LPP: variants seen among roughly 807,000 people sequenced by gnomAD.
LPP encodes lipoma-preferred partner.
Under a neutral mutation model 60.4 loss-of-function variants are expected in LPP, and 38 were observed. That is an observed-to-expected ratio of 0.63 (90% confidence interval 0.49 to 0.83). The LOEUF (loss-of-function observed/expected upper bound fraction) is 0.83, where lower values mean the gene tolerates loss of function less well. Ranked by LOEUF, LPP falls within the 40% of genes least tolerant of loss-of-function variation. The probability of loss-of-function intolerance (pLI) is 0.00; values close to 1 mark genes in which losing one functional copy is unlikely to be tolerated. For synonymous variants in LPP, 328 were observed against 290.8 expected, an observed-to-expected ratio of 1.13 and a Z score of -1.30; for missense variants, 902 against 783.6, an observed-to-expected ratio of 1.15 and a Z score of -1.80.
chr3:188,329,349 T>A (rs1759351578), intron 2 of LPP, among the ~76,000 whole-genome samples: 2 of 152,248 alleles, frequency 1.3e-5, no homozygotes, highest in African/African-American at 4.8e-5. Flanking sequence ...CCAAACTTCT[T>A]TGTCAGAGAT....
chr3:188,174,692 C>T (rs1722566781), intron 1 of LPP, among the ~76,000 whole-genome samples: 1 of 152,192 alleles, frequency 6.6e-6, no homozygotes, highest in Admixed American at 6.5e-5. Flanking sequence ...ATTGCTTTCC[C>T]TCACTCTTGT....
chr3:188,653,176 C>A (rs1186949929), intron 7 of LPP, among the ~76,000 whole-genome samples: 1 of 152,204 alleles, frequency 6.6e-6, no homozygotes, highest in Non-Finnish European at 1.5e-5. Context: ...AGATTCTGAT[C>A]TTACTGCTTC....
At chr3:188,782,372 C>T (rs1351673659) in intron 9 of LPP, among the ~76,000 whole-genome samples, 2 of 152,098 alleles carry the variant, frequency 1.3e-5, no homozygotes, top group East Asian at 1.9e-4. Context: ...GAACCCAGAT[C>T]CTGCTACTTC....
At chr3:188,271,844 C>T (rs1055024770) in intron 2 of LPP, among the ~76,000 whole-genome samples, 1 of 152,154 alleles carries the variant, frequency 6.6e-6, no homozygotes, top group African/African-American at 2.4e-5. Flanking sequence ...GCTTTAATGG[C>T]AGCTGATGTC....
intron 7 of LPP, among the ~76,000 whole-genome samples, chr3:188,703,646 A>T (rs552636904): frequency 6.6e-6 from 1 of 152,232 alleles, no homozygotes; most frequent in Non-Finnish European, 1.5e-5. Flanking sequence ...TAAGAAAAAA[A>T]CAGGAATCCA....
chr3:188,324,205 G>A (rs1757736772), intron 2 of LPP, among the ~76,000 whole-genome samples: 3 of 152,206 alleles, frequency 2.0e-5, no homozygotes, highest in South Asian at 4.1e-4. Context: ...AAGCTTAGAG[G>A]CAATTCCACC....
intron 6 of LPP, among the ~76,000 whole-genome samples, chr3:188,593,696 C>A (rs915338777): frequency 6.6e-6 from 1 of 152,152 alleles, no homozygotes; most frequent in Admixed American, 6.5e-5. Flanking sequence ...ATACGATGTT[C>A]GGTTTCCCAT....
chr3:188,430,709 A>G (rs993257799), intron 4 of LPP, among the ~76,000 whole-genome samples: 4 of 152,136 alleles, frequency 2.6e-5, no homozygotes, highest in Non-Finnish European at 5.9e-5. Flanking sequence ...AAATTTCTGA[A>G]AATCTTTTTG....
At position 188,822,071 on chromosome 3, in the gene LPP, C is replaced by T. The variant is rs939338071; in HGVS notation, c.1411-44129C>T. On this transcript the variant is annotated intron_variant, in intron 9 of 11. Coordinates refer to ENST00000617246, the MANE Select transcript of LPP (RefSeq NM_001375462.1). Reference sequence around the variant, plus strand: ...CTGTTTTCTGCTCTTCCTAAAGATTCAGGATGTAATAATATACTGTCACAG... The same window carrying T: ...CTGTTTTCTGCTCTTCCTAAAGATTTAGGATGTAATAATATACTGTCACAG... 9.2e-5 allele frequency among the ~76,000 whole-genome samples: 14 copies of T among 152,126 alleles called. No individual in the cohort carries two copies. The East Asian group carries it at 1.9e-3, about 21-fold the overall frequency.
intron 4 of LPP, among the ~76,000 whole-genome samples, chr3:188,443,903 C>T (rs1794631362): frequency 6.6e-6 from 1 of 152,206 alleles, no homozygotes; most frequent in Admixed American, 6.5e-5. Flanking sequence ...ATGGTACACA[C>T]TAGCTCTTCT....
rs573845833 is a variant in LPP, at chr3:188,289,604, A to G, written c.-66-52059A>G. ...AACTTGTCCAAGTCATTCAGCTGGT[A>G]AGTGGTAGAACTGCTGTGGTCTCCC... On this transcript the variant is annotated intron_variant, in intron 2 of 11. Coordinates refer to ENST00000617246, the MANE Select transcript of LPP (RefSeq NM_001375462.1). 2.6e-4 allele frequency among the ~76,000 whole-genome samples: 39 copies of G among 152,288 alleles called. No homozygotes were observed. The South Asian group carries it at 4.2e-3, about 16-fold the overall frequency.
intron 2 of LPP, among the ~76,000 whole-genome samples, chr3:188,305,179 A>G (rs940840461): frequency 6.6e-6 from 1 of 152,174 alleles, no homozygotes; most frequent in African/African-American, 2.4e-5. Context: ...CTATATACCC[A>G]CAAAGCCTAG....
chr3:188,464,460 A>T (rs1799874571), intron 4 of LPP, among the ~76,000 whole-genome samples: 2 of 152,206 alleles, frequency 1.3e-5, no homozygotes, highest in African/African-American at 4.8e-5. Context: ...CCACCACTGC[A>T]GAAAGTTCTG....
chr3:188,466,134 C>T (rs1800315908), intron 4 of LPP, among the ~76,000 whole-genome samples: 1 of 152,060 alleles, frequency 6.6e-6, no homozygotes, highest in African/African-American at 2.4e-5. Flanking sequence ...CTCAATAGTT[C>T]AGTAGAATAT....
At chr3:188,465,934 G>T (rs891581178) in intron 4 of LPP, among the ~76,000 whole-genome samples, 1 of 152,120 alleles carries the variant, frequency 6.6e-6, no homozygotes, top group African/African-American at 2.4e-5. Context: ...AAGTTCTCAC[G>T]TGTTTTTAAG....
intron 2 of LPP, among the ~76,000 whole-genome samples, chr3:188,276,321 G>A (rs991819824): frequency 2.6e-5 from 4 of 152,166 alleles, no homozygotes; most frequent in African/African-American, 9.7e-5. Flanking sequence ...AAGGTTGTTG[G>A]TGGCCGGACC....
intron 3 of LPP, among the ~76,000 whole-genome samples, chr3:188,361,522 C>CTCTCG (rs1769331937): frequency 2.4e-5 from 3 of 126,786 alleles, no homozygotes; most frequent in African/African-American, 9.1e-5. Context: ...CTCTCCTCTC[C>CTCTCG]TCTCCTCTCC....
At chr3:188,429,759 G>A (rs980604217) in intron 4 of LPP, among the ~76,000 whole-genome samples, 2 of 152,182 alleles carry the variant, frequency 1.3e-5, no homozygotes, top group Non-Finnish European at 2.9e-5. Flanking sequence ...ATTATTTAAT[G>A]TAGTACATCC....
chr3:188,779,723 A>C (rs1739025350), intron 9 of LPP, among the ~76,000 whole-genome samples: 1 of 152,062 alleles, frequency 6.6e-6, no homozygotes, highest in African/African-American at 2.4e-5. Flanking sequence ...TTGTGTTGAA[A>C]TCTCTAAAGG....
Sources: allele counts gnomAD v4.1 joint callset (sites outside exome capture counted in the v4.1 genomes callset), GRCh38; gene constraint gnomAD v4.1.1; transcripts MANE v1.5; gene names NCBI Gene and HGNC (gene_info 2026-07-23, HGNC 2026-07-21).